The following RPS6KA2 variants were observed in gnomAD, a reference collection of about 807,000 sequenced individuals.
RPS6KA2 encodes ribosomal protein S6 kinase A2, also known as ribosomal protein S6 kinase alpha-2.
RPS6KA2 carries 42 observed loss-of-function variants against 91.8 expected under a neutral mutation model. The observed-to-expected ratio is 0.46, with a 90% confidence interval of 0.36 to 0.59. The LOEUF (loss-of-function observed/expected upper bound fraction) is 0.59. Among genes scored for constraint, RPS6KA2 ranks in the 20% least tolerant of loss-of-function variants. The pLI, the probability that RPS6KA2 is intolerant of heterozygous loss-of-function variation, is 0.00. For missense variants in RPS6KA2, 798 were observed against 978.5 expected, an observed-to-expected ratio of 0.82 and a Z score of 2.46; for synonymous variants, 414 against 393.6, an observed-to-expected ratio of 1.05 and a Z score of -0.61.
rs1326048164 is a variant in RPS6KA2, at chr6:166,821,365, C to G, written c.123+36835G>C. On this transcript the variant is annotated intron_variant, in intron 2 of 21. Transcript: ENST00000503859. The surrounding 1 kb of genome is among the most constrained non-coding windows in gnomAD (Gnocchi z 4.1). ...TTGTCCTCTTTGGGTGGCTTAGCAGCTCAGGCCCTGTGGGTGCGCTTCACA... is the reference window on the plus strand; with the variant it reads ...TTGTCCTCTTTGGGTGGCTTAGCAGGTCAGGCCCTGTGGGTGCGCTTCACA... 6.6e-6 allele frequency among the ~76,000 whole-genome samples: 1 copy of G among 152,114 alleles called. No homozygotes were observed. Among genetic ancestry groups the G allele is most frequent in the Non-Finnish European group, 1.5e-5 (1 of 68,026 alleles).
rs572339964 is a variant in RPS6KA2 at position 166,493,124 on chromosome 6, C to G, written c.748-2383G>C. On this transcript the variant is annotated intron_variant, in intron 8 of 20. Transcript: ENST00000265678. This position sits in a 1 kb window ranked among gnomAD's most constrained non-coding sequence, Gnocchi z 4.7. ...TCTCTTCCTCCCCTTCTTCCTCCAT[C>G]CATATGGTAGGAGGTCCCCAACCAT... Among the ~76,000 whole-genome samples the G allele has an allele frequency of 7.2e-5, 11 of 152,244 alleles. No homozygotes were observed. Among genetic ancestry groups the G allele is most frequent in the African/African-American group, 2.6e-4 (11 of 41,542 alleles).
intron 2 of RPS6KA2, among the ~76,000 whole-genome samples, chr6:166,673,673 G>A (rs1788543130): frequency 6.6e-6 from 1 of 152,268 alleles, no homozygotes; most frequent in African/African-American, 2.4e-5. Context: ...GCCCAGGTCA[G>A]CTTTGAATGT....
At chr6:166,498,472 C>A in intron 8 of RPS6KA2, 36 bp downstream of exon 8, 1 of 1,574,560 alleles carries the variant, frequency 6.4e-7, no homozygotes, top group Non-Finnish European at 8.6e-7. Flanking sequence ...TGGGGAACAG[C>A]CGCCATGGCA....
rs1420033417 is a variant in RPS6KA2 at position 166,849,199 on chromosome 6, C to A, written c.123+9001G>T. ...CTGGGACAATCCACCCCTGGTCTTG[C>A]TGGTTGGTTTCTTCTCATCAGTCAG... On this transcript the variant is annotated intron_variant, in intron 2 of 21. Transcript: ENST00000503859. The surrounding 1 kb of genome is among the most constrained non-coding windows in gnomAD (Gnocchi z 4.9). 6.6e-6 allele frequency among the ~76,000 whole-genome samples: 1 copy of A among 152,312 alleles called. No individual in the cohort carries two copies. The highest frequency in any genetic ancestry group is 1.5e-5 in the Non-Finnish European group (1 of 68,024).
Position 166,626,967 on chromosome 6 carries a change from A to G in RPS6KA2, c.53T>C (p.Leu18Pro), listed in dbSNP as rs1167490461. ...GCTCTTGGAGCGCGACTTCCTGCGC[A>G]GGTACACAGAGAAGAACCTGCGCAC... ...FAVRRFFSVYLRRKSRSKSSS... is the reference protein window; with the variant it reads ...FAVRRFFSVYPRRKSRSKSSS... Residue 18 changes from leucine to proline, a missense_variant, in exon 1 of 21, where the codon CTG (leucine) becomes CCG (proline). By Grantham distance (98) the Leu-to-Pro change is moderately conservative. Coordinates refer to ENST00000265678, the MANE Select transcript of RPS6KA2 (RefSeq NM_021135.6). The surrounding 1 kb of genome is among the most constrained non-coding windows in gnomAD (Gnocchi z 4.1). 4 of 1,566,102 alleles carry G rather than the reference A, an allele frequency of 2.6e-6. No homozygotes were observed. Among genetic ancestry groups the G allele is most frequent in the Non-Finnish European group, 3.5e-6 (4 of 1,155,904 alleles).
intron 12 of RPS6KA2, among the ~76,000 whole-genome samples, chr6:166,455,003 A>G (rs1780049330): frequency 6.6e-6 from 1 of 151,742 alleles, no homozygotes; most frequent in South Asian, 2.1e-4. Context: ...ACATATGTAC[A>G]AATTTAAACA....
At chr6:166,752,300 C>T (rs898791853) in intron 2 of RPS6KA2, among the ~76,000 whole-genome samples, 5 of 152,248 alleles carry the variant, frequency 3.3e-5, no homozygotes, top group East Asian at 3.9e-4. Context: ...CTGTGAAGCG[C>T]GTCCACAGTC....
At chr6:166,547,877 C>T (rs772870473) in intron 1 of RPS6KA2, among the ~76,000 whole-genome samples, 5 of 152,238 alleles carry the variant, frequency 3.3e-5, no homozygotes, top group African/African-American at 9.6e-5. Context: ...CTATTCTGTA[C>T]AAATTCCATG....
At chr6:166,761,174 G>A (rs1057507627) in intron 2 of RPS6KA2, among the ~76,000 whole-genome samples, 3 of 152,108 alleles carry the variant, frequency 2.0e-5, no homozygotes, top group African/African-American at 7.2e-5. Context: ...AGCAATTGTT[G>A]TATTTTAGCC....
chr6:166,601,764 C>T (rs1785738270), intron 1 of RPS6KA2, among the ~76,000 whole-genome samples: 1 of 152,052 alleles, frequency 6.6e-6, no homozygotes, highest in Non-Finnish European at 1.5e-5. Flanking sequence ...TCATTAAAGA[C>T]CAAAGCGTTA....
chr6:166,457,292 C>A (rs182288399), intron 12 of RPS6KA2, among the ~76,000 whole-genome samples: 1 of 152,198 alleles, frequency 6.6e-6, no homozygotes, highest in African/African-American at 2.4e-5. Flanking sequence ...GACCTGTGGG[C>A]AGGGGCAGGA....
chr6:166,721,715 A>C (rs1790178274), intron 2 of RPS6KA2, among the ~76,000 whole-genome samples: 1 of 152,184 alleles, frequency 6.6e-6, no homozygotes, highest in Admixed American at 6.5e-5. Context: ...CATTTCACCC[A>C]GTGGGCGGGC....
chr6:166,619,667 G>C (rs1006283043), intron 1 of RPS6KA2, among the ~76,000 whole-genome samples: 14 of 152,366 alleles, frequency 9.2e-5, no homozygotes, highest in East Asian at 1.9e-4. Flanking sequence ...TTCTCACACA[G>C]AGTCCTCTCA....
chr6:166,419,267 C>A lies in RPS6KA2; in HGVS notation c.1820+615G>T, dbSNP rs746253293. On this transcript the variant is annotated intron_variant, in intron 18 of 20. Transcript: ENST00000265678. This position sits in a 1 kb window ranked among gnomAD's most constrained non-coding sequence, Gnocchi z 5.6. ...TAGGAACCAGCGGATCTTGTAAGAT[C>A]CTAGACCTTCCTGCCTAGAAGCAAC... Among the ~76,000 whole-genome samples the A allele has an allele frequency of 1.1e-4, 17 of 152,202 alleles. No homozygotes were observed. The highest frequency in any genetic ancestry group is 1.5e-4 in the Non-Finnish European group (10 of 68,048).
intron 1 of RPS6KA2, among the ~76,000 whole-genome samples, chr6:166,860,727 T>C (rs956289574): frequency 6.6e-6 from 1 of 152,210 alleles, no homozygotes; most frequent in Non-Finnish European, 1.5e-5. Flanking sequence ...AGCTGGGCTA[T>C]AGGAAGCACT....
upstream of RPS6KA2, chr6:166,627,261 G>T: frequency 9.9e-7 from 1 of 1,009,088 alleles, no homozygotes; most frequent in Non-Finnish European, 1.2e-6. Context: ...TACCAGCGCC[G>T]GCCACGCGCC....
chr6:166,588,026 A>G lies in RPS6KA2; in HGVS notation c.99+38895T>C, dbSNP rs80001000. 7.2e-5 allele frequency among the ~76,000 whole-genome samples: 11 copies of G among 152,252 alleles called. No homozygotes were observed. The East Asian group carries it at 1.7e-3, about 24-fold the overall frequency. On this transcript the variant is annotated intron_variant, in intron 1 of 20. Transcript: ENST00000265678. ...CAGCATAAAATGAATGAAAATTGAG[A>G]CCCCAGTGATGGTTAGAGAATTCTC...
At chr6:166,450,706 AC>A (rs1462069967) in intron 13 of RPS6KA2, among the ~76,000 whole-genome samples, 1 of 146,980 alleles carries the variant, frequency 6.8e-6, no homozygotes, top group Non-Finnish European at 1.5e-5. Flanking sequence ...ACCACAAGGG[AC>A]CACCCCAGGG....
intron 17 of RPS6KA2, among the ~76,000 whole-genome samples, chr6:166,421,172 T>C (rs1481393849): frequency 1.3e-5 from 2 of 152,226 alleles, no homozygotes; most frequent in African/African-American, 4.8e-5. Flanking sequence ...TTTCTGACTC[T>C]GTGAAACATG....
Sources: allele counts gnomAD v4.1 joint callset (sites outside exome capture counted in the v4.1 genomes callset), GRCh38; gene constraint gnomAD v4.1.1; non-coding constraint Gnocchi (gnomAD v3.1); transcripts MANE v1.5; gene names NCBI Gene and HGNC (gene_info 2026-07-23, HGNC 2026-07-21).